ARPC3: variants seen among roughly 807,000 people sequenced by gnomAD.
ARPC3 encodes actin-related protein 2/3 complex subunit 3.
In ARPC3, 12 loss-of-function variants were observed where a neutral mutation model predicts 27.6. The observed-to-expected ratio is 0.43, with a 90% confidence interval of 0.28 to 0.70. The LOEUF (loss-of-function observed/expected upper bound fraction) is 0.70. ARPC3 is among the 30% of genes least tolerant of loss of function. ARPC3 has a pLI of 0.17. For missense variants in ARPC3, 153 were observed against 207.7 expected, an observed-to-expected ratio of 0.74 and a Z score of 1.62; for synonymous variants, 53 against 67.2, an observed-to-expected ratio of 0.79 and a Z score of 1.03.
chr12:110,435,997 A>G (rs1054136324), intron 6 of ARPC3, 113 bp downstream of exon 6: 3 of 856,764 alleles, frequency 3.5e-6, no homozygotes, highest in Non-Finnish European at 6.0e-6. Flanking sequence ...GTTAAGCAAC[A>G]TTGCAATGCA....
At chr12:110,436,741 C>T (rs192377566) in intron 4 of ARPC3, 58 bp from the exon 5 acceptor site, 2 of 1,108,520 alleles carry the variant, frequency 1.8e-6, no homozygotes, top group East Asian at 2.7e-5. Flanking sequence ...CACACACACA[C>T]ACACACACAC....
Position 110,450,272 on chromosome 12 carries a change from C to G in ARPC3, c.-12G>C. The G allele has an allele frequency of 6.2e-7, 1 of 1,614,038 alleles. No homozygotes were observed. Among genetic ancestry groups the G allele is most frequent in the Non-Finnish European group, 8.5e-7 (1 of 1,179,922 alleles). ...ACCCTCACCGGCATCTTGGCGGCGC[C>G]CGGGTTTCAACCCAGAGGAGCAGGA... On this transcript the variant is annotated 5_prime_UTR_variant, in exon 1 of 7. Transcript: ENST00000228825.
At chr12:110,444,128 C>A (rs552746711) in intron 2 of ARPC3, among the ~76,000 whole-genome samples, 4 of 152,014 alleles carry the variant, frequency 2.6e-5, no homozygotes, top group Non-Finnish European at 5.9e-5. Flanking sequence ...CGCCACCATG[C>A]CCGGCTGATT....
At chr12:110,436,753 CAT>C (rs1491294763) in intron 4 of ARPC3, 70 bp from the exon 5 acceptor site, 114 of 955,102 alleles carry the variant, frequency 1.2e-4, no homozygotes, top group Middle Eastern at 3.4e-4. Context: ...CACACACACA[CAT>C]ATTTTACAGG....
rs906294091 is a variant in ARPC3 at position 110,436,231 on chromosome 12, TG to T, written c.380-28del. ...TAAAACAGAACAATTTAAAAAAAAC[TG>T]TATTTGCAAATACATCCCAAATGTA... On this transcript the variant is annotated intron_variant, in intron 5 of 6. Coordinates refer to ENST00000228825, the MANE Select transcript of ARPC3 (RefSeq NM_001278556.2). The T allele has an allele frequency of 4.5e-6, 7 of 1,568,450 alleles. No homozygotes were observed. In the African/African-American group the frequency reaches 9.5e-5, roughly 21 times the overall value.
At chr12:110,435,716 TG>T (rs1399596967) in intron 6 of ARPC3, among the ~76,000 whole-genome samples, 3 of 152,058 alleles carry the variant, frequency 2.0e-5, no homozygotes, top group Non-Finnish European at 4.4e-5. Context: ...CTCCACTTCC[TG>T]GGTTCAAGCG....
At chr12:110,443,897 G>C (rs1339268941) in intron 2 of ARPC3, among the ~76,000 whole-genome samples, 3 of 151,890 alleles carry the variant, frequency 2.0e-5, no homozygotes, top group African/African-American at 7.3e-5. Flanking sequence ...ACAGATATTT[G>C]TTGAATATAA....
At chr12:110,444,866 T>A (rs771168243) in intron 2 of ARPC3, 2 of 157,050 alleles carry the variant, frequency 1.3e-5, no homozygotes, top group Admixed American at 6.2e-5. Flanking sequence ...AGGGAAACCA[T>A]GTCTAACATA....
intron 4 of ARPC3, 157 bp downstream of exon 4, chr12:110,436,927 G>T: frequency 1.4e-6 from 1 of 705,498 alleles, no homozygotes; most frequent in Non-Finnish European, 2.5e-6. Flanking sequence ...ACAAGTTCAG[G>T]TAACTAAATT....
At chr12:110,442,043 A>AG (rs2062440470) in intron 2 of ARPC3, among the ~76,000 whole-genome samples, 1 of 151,682 alleles carries the variant, frequency 6.6e-6, no homozygotes, top group Non-Finnish European at 1.5e-5. Flanking sequence ...AAAAAAAAAA[A>AG]AAAAGTTTTT....
intron 2 of ARPC3, among the ~76,000 whole-genome samples, chr12:110,444,723 A>C (rs559454497): frequency 6.6e-6 from 1 of 152,348 alleles, no homozygotes; most frequent in African/African-American, 2.4e-5. Flanking sequence ...TGTTGAAAAC[A>C]AAATTAAGTT....
chr12:110,441,268 G>C (rs2062435951), intron 2 of ARPC3, among the ~76,000 whole-genome samples: 1 of 151,994 alleles, frequency 6.6e-6, no homozygotes, highest in African/African-American at 2.4e-5. Flanking sequence ...AAGTAGCTGG[G>C]ATTATACGCA....
At position 110,448,785 on chromosome 12, in the gene ARPC3, G is replaced by C. The variant is rs867988481; in HGVS notation, c.6+1470C>G. Among the ~76,000 whole-genome samples the C allele has an allele frequency of 3.3e-4, 36 of 109,572 alleles. 5 individuals are homozygous for C. Among genetic ancestry groups the C allele is most frequent in the Middle Eastern group, 3.8e-3 (1 of 260 alleles). The allele number at this position is 109,572 out of a possible 152,430, so 71.9% of individuals were successfully genotyped here. A position where few individuals can be genotyped will look rare whatever the true frequency, so the allele number is the denominator to read the frequency against. On this transcript the variant is annotated intron_variant, in intron 1 of 6. Coordinates refer to ENST00000228825, the MANE Select transcript of ARPC3 (RefSeq NM_001278556.2). ...ATCTAGCTTCTTTTTTTCCGGGGGGGGGGGGGGTGGTGGTACAGAGTCTCA... is the reference window on the plus strand; with the variant it reads ...ATCTAGCTTCTTTTTTTCCGGGGGGCGGGGGGGTGGTGGTACAGAGTCTCA...
intron 3 of ARPC3, 53 bp from the exon 4 acceptor site, chr12:110,437,205 G>A (rs977952653): frequency 3.3e-6 from 4 of 1,210,546 alleles, no homozygotes; most frequent in African/African-American, 1.5e-5. Context: ...TAACAATGAT[G>A]TGCAATGTAT....
intron 1 of ARPC3, among the ~76,000 whole-genome samples, chr12:110,448,251 C>T (rs988127312): frequency 6.6e-6 from 1 of 152,076 alleles, no homozygotes; most frequent in Non-Finnish European, 1.5e-5. Context: ...TCTGAGGCTC[C>T]GTTTCCTCTT....
At chr12:110,445,824 C>T (rs184705442) in intron 1 of ARPC3, among the ~76,000 whole-genome samples, 25 of 152,288 alleles carry the variant, frequency 1.6e-4, no homozygotes, top group Non-Finnish European at 2.9e-4. Context: ...ATGATGTTGG[C>T]TGGACGTGGT....
rs2062494930 is a variant in ARPC3, at chr12:110,450,287, G to A, written c.-27C>T. ...TTGGCGGCGCCCGGGTTTCAACCCA[G>A]AGGAGCAGGATCCAGGTACAGCGGA... On this transcript the variant is annotated 5_prime_UTR_variant, in exon 1 of 7. Transcript: ENST00000228825. The A allele has an allele frequency of 6.2e-7, 1 of 1,614,008 alleles. No individual in the cohort carries two copies. The highest frequency in any genetic ancestry group is 8.5e-7 in the Non-Finnish European group (1 of 1,179,966).
At chr12:110,447,391 G>C (rs1330690884) in intron 1 of ARPC3, among the ~76,000 whole-genome samples, 1 of 152,160 alleles carries the variant, frequency 6.6e-6, no homozygotes, top group Admixed American at 6.6e-5. Context: ...TGATTGCTAA[G>C]CACCTTCTAT....
chr12:110,445,427 T>C (rs201922433), intron 2 of ARPC3, 25 bp downstream of exon 2: 13 of 1,546,982 alleles, frequency 8.4e-6, no homozygotes, highest in East Asian at 4.5e-5. Flanking sequence ...GTACCAAAAT[T>C]TGAAAATAAT....
Sources: gnomAD v4.1 joint callset for allele counts (sites outside exome capture counted in the v4.1 genomes callset) on GRCh38, gnomAD v4.1.1 for gene constraint, MANE v1.5 for transcripts, NCBI Gene and HGNC (gene_info 2026-07-23, HGNC 2026-07-21) for gene names.